Variants in CDH13 observed in about 807,000 individuals in gnomAD.
The protein encoded by CDH13 is cadherin 13.
A neutral mutation model predicts 63.8 loss-of-function variants in CDH13; 24 were observed. The observed-to-expected ratio is 0.38, with a 90% CI of 0.27 to 0.53. The LOEUF is 0.53. Among genes scored for constraint, CDH13 ranks in the 20% least tolerant of loss-of-function variants. The pLI, the probability that CDH13 is intolerant of heterozygous loss-of-function variation, is 0.85. For synonymous variants in CDH13, 503 were observed against 355.3 expected (o/e 1.42, Z -4.67); for missense variants, 1,049 against 903.1 (o/e 1.16, Z -2.07).
At chr16:82,859,600 G>A in intron 2 of CDH13, 1 of 151,958 alleles carries the variant, frequency 6.6e-6, no homozygotes, top group East Asian at 1.9e-4. Context: ...ATTAAAATAA[G>A]CTGATCATAC....
intron 2 of CDH13, among the ~76,000 whole-genome samples, chr16:82,931,358 A>G (rs552091985): frequency 1.3e-5 from 2 of 152,360 alleles, no homozygotes; most frequent in South Asian, 2.1e-4. Flanking sequence ...CTATTTTCCA[A>G]TGCTAAAAAT....
chr16:82,752,661 G>C (rs1362140100), intron 1 of CDH13, among the ~76,000 whole-genome samples: 4 of 152,230 alleles, frequency 2.6e-5, no homozygotes, highest in Non-Finnish European at 5.9e-5. Context: ...GGAGGATGCA[G>C]GAGCAGGAAA....
intron 5 of CDH13, among the ~76,000 whole-genome samples, chr16:83,338,873 T>G (rs1041993457): frequency 6.6e-6 from 1 of 152,212 alleles, no homozygotes; most frequent in Admixed American, 6.5e-5. Context: ...TGTGGCCAGA[T>G]TACAGAAAGA....
At chr16:82,710,240 T>G (rs1177588249) in intron 1 of CDH13, among the ~76,000 whole-genome samples, 4 of 146,646 alleles carry the variant, frequency 2.7e-5, no homozygotes, top group African/African-American at 9.9e-5. Context: ...AATTTATATA[T>G]AAATATATTT....
At chr16:82,859,531 C>T (rs1397742116) in intron 2 of CDH13, 3 of 151,720 alleles carry the variant, frequency 2.0e-5, no homozygotes, top group Admixed American at 2.0e-4. Context: ...GCACTCCAAC[C>T]TGGGTGACAG....
At chr16:82,703,695 T>C (rs981684407) in intron 1 of CDH13, among the ~76,000 whole-genome samples, 3 of 152,206 alleles carry the variant, frequency 2.0e-5, no homozygotes, top group Admixed American at 6.5e-5. Flanking sequence ...GTTTCTATAC[T>C]TCACAAAAAT....
chr16:82,837,517 G>A (rs546670264), intron 1 of CDH13, among the ~76,000 whole-genome samples: 21 of 152,218 alleles, frequency 1.4e-4, no homozygotes, highest in Non-Finnish European at 2.5e-4. Context: ...GATTTATTAC[G>A]GTGAAAATAT....
At chr16:82,705,349 T>A (rs566501218) in intron 1 of CDH13, 57 of 352,536 alleles carry the variant, frequency 1.6e-4, no homozygotes, top group African/African-American at 1.1e-3. Flanking sequence ...CCCAGAGATA[T>A]AACAATTAGA....
At chr16:83,449,980 C>T (rs1035917802) in intron 6 of CDH13, among the ~76,000 whole-genome samples, 44 of 152,194 alleles carry the variant, frequency 2.9e-4, no homozygotes, top group African/African-American at 7.2e-4. Flanking sequence ...CACCGGTCTT[C>T]GCTAGCAGGG....
intron 12 of CDH13, among the ~76,000 whole-genome samples, chr16:83,782,643 G>A (rs1251071787): frequency 6.6e-6 from 1 of 151,662 alleles, no homozygotes; most frequent in Non-Finnish European, 1.5e-5. Context: ...GGCTAAGGCA[G>A]GAGAATCATT....
chr16:83,609,616 A>C (rs1908673982), intron 8 of CDH13, among the ~76,000 whole-genome samples: 1 of 152,194 alleles, frequency 6.6e-6, no homozygotes, highest in African/African-American at 2.4e-5. Context: ...CCTCTTAATA[A>C]ATTATTTGAG....
At chr16:83,038,496 C>G (rs917084469) in intron 3 of CDH13, among the ~76,000 whole-genome samples, 2 of 152,144 alleles carry the variant, frequency 1.3e-5, no homozygotes, top group East Asian at 3.9e-4. Flanking sequence ...GGTTAACCTT[C>G]CGTGCACAAA....
At chr16:83,390,452 A>T (rs1179837008) in intron 6 of CDH13, among the ~76,000 whole-genome samples, 2 of 121,780 alleles carry the variant, frequency 1.6e-5, no homozygotes, top group South Asian at 4.7e-4. Flanking sequence ...TCTATTTACA[A>T]ATACTTTTTT....
chr16:83,690,117 G>C (rs1904702778), intron 10 of CDH13, among the ~76,000 whole-genome samples: 1 of 152,164 alleles, frequency 6.6e-6, no homozygotes, highest in South Asian at 2.1e-4. Context: ...AGATGGTGGT[G>C]AGCCAAGATC....
rs867633738 is a variant in CDH13 at position 83,054,241 on chromosome 16, G to A, written c.366+22023G>A. On this transcript the variant is annotated intron_variant, in intron 3 of 13. Transcript: ENST00000567109. ...CCTTGTTAAGTAACGCATGACTATA[G>A]TATGCTTTTCCTATACATATGCAAA... Among the ~76,000 whole-genome samples the A allele has an allele frequency of 2.6e-5, 4 of 152,314 alleles. No individual in the cohort carries two copies. The Middle Eastern group carries it at 0.01, about 389-fold the overall frequency.
rs991150652 is a variant in CDH13 at position 83,019,312 on chromosome 16, C to G, written c.158-12698C>G. On this transcript the variant is annotated intron_variant, in intron 2 of 13. Transcript: ENST00000567109. The stretch of plus-strand genomic sequence containing the variant: ...TTAAAAGCTGAGACATGAACACATA[C>G]ATTTGCCTAGGCCTACACAAGGTCA... Among the ~76,000 whole-genome samples, 146 of 152,088 alleles carry G rather than the reference C, an allele frequency of 9.6e-4. 3 individuals carry two copies. Among genetic ancestry groups the G allele is most frequent in the Non-Finnish European group, 8.2e-4 (56 of 67,990 alleles).
intron 1 of CDH13, among the ~76,000 whole-genome samples, chr16:82,837,593 T>A (rs2038822799): frequency 6.6e-6 from 1 of 152,118 alleles, no homozygotes; most frequent in Non-Finnish European, 1.5e-5. Flanking sequence ...GTTACAAGAT[T>A]TCCACAATCC....
At chr16:82,893,708 C>G (rs1434790364) in intron 2 of CDH13, among the ~76,000 whole-genome samples, 1 of 152,190 alleles carries the variant, frequency 6.6e-6, no homozygotes, top group Admixed American at 6.5e-5. Flanking sequence ...CTACAGCTGA[C>G]TTTTAATCAT....
chr16:83,220,382 A>G (rs759005600), intron 5 of CDH13, among the ~76,000 whole-genome samples: 10 of 152,236 alleles, frequency 6.6e-5, no homozygotes, highest in Non-Finnish European at 1.5e-4. Context: ...CTATTTTAGT[A>G]GTACAGCTAG....
Sources: allele counts gnomAD v4.1 joint callset (sites outside exome capture counted in the v4.1 genomes callset), GRCh38; gene constraint gnomAD v4.1.1; transcripts MANE v1.5; gene names NCBI Gene and HGNC (gene_info 2026-07-23, HGNC 2026-07-21).